Variants in SYNE3 observed in about 807,000 individuals in gnomAD.
SYNE3 encodes the protein nesprin-3.
Under a neutral mutation model 111.2 loss-of-function variants are expected in SYNE3, and 100 were observed. The ratio of observed to expected loss-of-function variants is 0.90; its 90% CI spans 0.77 to 1.06. The LOEUF (loss-of-function observed/expected upper bound fraction) is 1.06. Ranked by LOEUF, SYNE3 falls within the 50% of genes least tolerant of loss-of-function variation. The probability of loss-of-function intolerance (pLI) is 0.00; values close to 1 mark genes in which losing one functional copy is unlikely to be tolerated. For missense variants in SYNE3, 1,160 were observed against 1,240.3 expected, an observed-to-expected ratio of 0.94 and a Z score of 0.97; for synonymous variants, 547 against 533.9, an observed-to-expected ratio of 1.02 and a Z score of -0.34.
At chr14:95,433,642 C>A (rs114458450) in intron 15 of SYNE3, among the ~76,000 whole-genome samples, 2,804 of 152,332 alleles carry the variant, frequency 0.018, 98 homozygotes, top group African/African-American at 0.064. Context: ...GGGCTGCAGA[C>A]CTCCAGTGGT....
At position 95,500,727 on chromosome 14, in the gene SYNE3, T is replaced by G. The variant is rs1464595047; in HGVS notation, c.-15+15869A>C. Among the ~76,000 whole-genome samples, 1 of 152,150 alleles carries G rather than the reference T, an allele frequency of 6.6e-6. No individual in the cohort carries two copies. Among genetic ancestry groups the G allele is most frequent in the Non-Finnish European group, 1.5e-5 (1 of 68,026 alleles). ...GCCAGCCATTTTAACATCTTTTCCC[T>G]CGCAGGACCCTGGGTTGTCCCCAGC... On this transcript the variant is annotated intron_variant, in intron 1 of 17. Transcript: ENST00000682763. The surrounding 1 kb of genome is among the most constrained non-coding windows in gnomAD (Gnocchi z 4.7).
chr14:95,480,009 G>A (rs1015288350), intron 1 of SYNE3, among the ~76,000 whole-genome samples: 4 of 152,134 alleles, frequency 2.6e-5, no homozygotes, highest in African/African-American at 4.8e-5. Context: ...TCTCTGGCAC[G>A]GGAGAAGTTT....
intron 9 of SYNE3, among the ~76,000 whole-genome samples, chr14:95,444,856 G>T (rs967434899): frequency 2.2e-4 from 33 of 152,122 alleles, no homozygotes; most frequent in Admixed American, 1.8e-3. Flanking sequence ...TCCAGAACTG[G>T]GGCAAGCTAC....
chr14:95,409,019 C>A lies in SYNE3; in HGVS notation c.*8807G>T. 1 of 395,766 alleles carries A rather than the reference C, an allele frequency of 2.5e-6. No individual in the cohort carries two copies. 24.5% of individuals were successfully genotyped at this position (395,766 alleles called of 1,614,324 possible). A position where few individuals can be genotyped will look rare whatever the true frequency, so the allele number is the denominator to read the frequency against. On this transcript the variant is annotated 3_prime_UTR_variant, in exon 18 of 18. Coordinates refer to ENST00000682763, the MANE Select transcript of SYNE3 (RefSeq NM_152592.6). ...ACGGACTTCCCCGCAGGAGTGGGCA[C>A]AGGAGGAAAGCAGCATGCTGCCCCT...
chr14:95,449,756 A>G, intron 8 of SYNE3, 175 bp downstream of exon 8: 21 of 959,266 alleles, frequency 2.2e-5, no homozygotes, highest in Non-Finnish European at 2.6e-5. Flanking sequence ...TTGTCAGTGT[A>G]ACAAGCAAGC....
chr14:95,509,651 C>T (rs531179071), intron 1 of SYNE3, among the ~76,000 whole-genome samples: 19 of 152,340 alleles, frequency 1.2e-4, no homozygotes, highest in African/African-American at 4.3e-4. Context: ...TACCCCAGTG[C>T]GTCAGCCAGC....
intron 4 of SYNE3, 107 bp from the exon 5 acceptor site, chr14:95,457,445 T>TGTGTG: frequency 2.2e-6 from 3 of 1,337,548 alleles, no homozygotes; most frequent in Non-Finnish European, 3.1e-6. Context: ...TGTGTGTGTG[T>TGTGTG]TAGCAGGGGG....
At chr14:95,458,282 C>T (rs1887588082) in intron 4 of SYNE3, among the ~76,000 whole-genome samples, 1 of 152,212 alleles carries the variant, frequency 6.6e-6, no homozygotes, top group African/African-American at 2.4e-5. Context: ...GTCCAGCAGT[C>T]AAGACCCTGG....
At chr14:95,463,632 C>T (rs1887981799) in intron 4 of SYNE3, among the ~76,000 whole-genome samples, 1 of 152,242 alleles carries the variant, frequency 6.6e-6, no homozygotes, top group South Asian at 2.1e-4. Context: ...CTGCCCATGC[C>T]ACACGGGCCT....
intron 1 of SYNE3, among the ~76,000 whole-genome samples, chr14:95,478,844 C>T (rs1168732906): frequency 1.3e-5 from 2 of 152,168 alleles, no homozygotes. Context: ...TGTCGTGAGC[C>T]ATCCCCTATC....
intron 13 of SYNE3, 61 bp downstream of exon 13, chr14:95,439,551 G>A: frequency 6.3e-7 from 1 of 1,589,924 alleles, no homozygotes; most frequent in East Asian, 2.2e-5. Flanking sequence ...GCACCTGAGT[G>A]TCCCTGAGTG....
intron 3 of SYNE3, among the ~76,000 whole-genome samples, chr14:95,466,568 A>G (rs1223623875): frequency 1.3e-5 from 2 of 152,050 alleles, no homozygotes; most frequent in African/African-American, 4.8e-5. Flanking sequence ...AGCACCTTAA[A>G]TCCTGGCCCT....
chr14:95,457,132 G>A (rs778512655), intron 5 of SYNE3, 45 bp downstream of exon 5: 1 of 1,519,272 alleles, frequency 6.6e-7, no homozygotes, highest in South Asian at 1.2e-5. Context: ...CACCCTCTGT[G>A]ACTGTCCCTA....
At chr14:95,421,434 G>A (rs1885121909) in intron 17 of SYNE3, among the ~76,000 whole-genome samples, 1 of 152,120 alleles carries the variant, frequency 6.6e-6, no homozygotes, top group South Asian at 2.1e-4. Flanking sequence ...GGATGTGGGG[G>A]AAATATAAGG....
rs1903474525 is a variant in SYNE3 at position 95,413,040 on chromosome 14, A to G, written c.*4786T>C. 1.3e-5 allele frequency: 2 copies of G among 152,122 alleles called. No homozygotes were observed. The highest frequency in any genetic ancestry group is 4.1e-4 in the South Asian group (2 of 4,830). The allele number at this position is 152,122 out of a possible 1,614,324, so 9.4% of individuals were successfully genotyped here. A position where few individuals can be genotyped will look rare whatever the true frequency, so the allele number is the denominator to read the frequency against. ...AGAAAAACTCAAGTTGTTCCCTCGT[A>G]TTGTTTCACTTGCCTTTGGTCAGTG... is the stretch of plus-strand genomic sequence containing the variant. On this transcript the variant is annotated 3_prime_UTR_variant, in exon 18 of 18. Transcript: ENST00000682763.
rs759010266 is a variant in SYNE3 at position 95,436,930 on chromosome 14, G to C, written c.2428C>G (p.Leu810Val). The C allele has an allele frequency of 6.2e-7, 1 of 1,614,066 alleles. No individual in the cohort carries two copies. The highest frequency in any genetic ancestry group is 1.7e-5 in the Admixed American group (1 of 60,008). ...TGCAACCACTGCCCAAAGTTCCTCA[G>C]GAGCTGGGAGAAATCTTCATGGCTC... ...EGSHEDFSQL[L>V]RNFGQWLQVE... Residue 810 changes from leucine (L) to valine (V), a missense_variant, in exon 15 of 18, where the codon CTG becomes GTG. Leu to Val is a conservative substitution (Grantham distance 32). Coordinates refer to ENST00000682763, the MANE Select transcript of SYNE3 (RefSeq NM_152592.6).
chr14:95,452,364 G>A lies in SYNE3; in HGVS notation c.1157C>T (p.Ala386Val). ...RRYSATRAAL[A>V]SEEPRVDRLQ... ...CCGGTCCACCCGGGGCTCCTCCGAGGCCAGCGCCGCCCGTGTTGCCTGCAG... is the reference window on the plus strand; with the variant it reads ...CCGGTCCACCCGGGGCTCCTCCGAGACCAGCGCCGCCCGTGTTGCCTGCAG... Residue 386 changes from alanine to valine, a missense_variant, in exon 7 of 18, where the codon GCC (alanine) becomes GTC (valine). Physicochemically the swap from Ala to Val is moderately conservative, Grantham distance 64 (BLOSUM62 0). Transcript: ENST00000682763. 1 of 1,611,340 alleles carries A rather than the reference G, an allele frequency of 6.2e-7. No individual in the cohort carries two copies. The highest frequency in any genetic ancestry group is 8.5e-7 in the Non-Finnish European group (1 of 1,179,184).
intron 17 of SYNE3, among the ~76,000 whole-genome samples, chr14:95,431,186 C>T (rs768613312): frequency 1.3e-5 from 2 of 152,138 alleles, no homozygotes; most frequent in Non-Finnish European, 2.9e-5. Context: ...TAGGAGACAC[C>T]GATTTACACT....
chr14:95,509,495 C>T (rs1245535938), intron 1 of SYNE3, among the ~76,000 whole-genome samples: 1 of 152,204 alleles, frequency 6.6e-6, no homozygotes, highest in East Asian at 1.9e-4. Context: ...TACTTTGAGG[C>T]TGTGGTCCTT....
Sources: gnomAD v4.1 joint callset for allele counts (sites outside exome capture counted in the v4.1 genomes callset) on GRCh38, gnomAD v4.1.1 for gene constraint, Gnocchi (gnomAD v3.1) non-coding constraint, MANE v1.5 for transcripts, NCBI Gene and HGNC (gene_info 2026-07-23, HGNC 2026-07-21) for gene names.